The following DDX60L variants were observed in gnomAD, a reference collection of about 807,000 sequenced individuals.
DDX60L encodes the protein DExD/H-box 60 like.
In DDX60L, 191 loss-of-function variants were observed where a neutral mutation model predicts 211.6. That is an observed-to-expected ratio of 0.90 (90% CI 0.80 to 1.02). The LOEUF (loss-of-function observed/expected upper bound fraction) is 1.02, where lower values mean the gene tolerates loss of function less well. Ranked by LOEUF, DDX60L falls within the 50% of genes least tolerant of loss-of-function variation. The probability of loss-of-function intolerance (pLI) is 0.00; values close to 1 mark genes in which losing one functional copy is unlikely to be tolerated. For synonymous variants in DDX60L, 706 were observed against 694.1 expected, an observed-to-expected ratio of 1.02 and a Z score of -0.27; for missense variants, 2,007 against 1,984.1, an observed-to-expected ratio of 1.01 and a Z score of -0.22.
intron 1 of DDX60L, among the ~76,000 whole-genome samples, chr4:168,479,981 CAA>C (rs60737462): frequency 0.025 from 2,545 of 100,828 alleles, 69 homozygotes; most frequent in African/African-American, 0.08. Context: ...GAGACTGACT[CAA>C]AAAAAAAAAA....
At chr4:168,385,513 G>C (rs565542473) in intron 29 of DDX60L, among the ~76,000 whole-genome samples, 22 of 152,150 alleles carry the variant, frequency 1.4e-4, no homozygotes, top group Non-Finnish European at 2.6e-4. Context: ...AGGGGGTCAT[G>C]GGAACCCCAA....
At chr4:168,472,569 C>A in intron 2 of DDX60L, 45 bp from the exon 3 acceptor site, 1 of 1,565,532 alleles carries the variant, frequency 6.4e-7, no homozygotes, top group Non-Finnish European at 8.7e-7. Flanking sequence ...TTTTACACAG[C>A]TATATAATTT....
intron 14 of DDX60L, among the ~76,000 whole-genome samples, chr4:168,425,204 C>T (rs1198051782): frequency 1.3e-5 from 2 of 152,336 alleles, no homozygotes; most frequent in East Asian, 3.9e-4. Context: ...TTATTAATTC[C>T]TATCTCTGTT....
intron 8 of DDX60L, among the ~76,000 whole-genome samples, chr4:168,452,320 C>A (rs763584164): frequency 9.9e-5 from 15 of 152,188 alleles, no homozygotes; most frequent in Non-Finnish European, 1.8e-4. Context: ...TACAAATTAT[C>A]CCTCAAGGCC....
In DDX60L at chr4:168,472,749, T is replaced by C; in HGVS notation, c.-50A>G. ...GTAGAAGAGTAGAGCTGGAATTTAT[T>C]AAATATGGCTGATTTATTTTGACAC... On this transcript the variant is annotated 5_prime_UTR_variant, in exon 2 of 38. Coordinates refer to ENST00000682922, the MANE Select transcript of DDX60L (RefSeq NM_001012967.3). 6.3e-7 allele frequency: 1 copy of C among 1,599,486 alleles called. No homozygotes were observed. The highest frequency in any genetic ancestry group is 1.1e-5 in the South Asian group (1 of 88,582).
chr4:168,479,981 CAAA>C (rs60737462), intron 1 of DDX60L, among the ~76,000 whole-genome samples: 2,301 of 100,716 alleles, frequency 0.023, 19 homozygotes, highest in South Asian at 0.066. Flanking sequence ...GAGACTGACT[CAAA>C]AAAAAAAAAA....
intron 36 of DDX60L, among the ~76,000 whole-genome samples, chr4:168,370,439 G>A (rs1037001743): frequency 6.6e-6 from 1 of 152,148 alleles, no homozygotes; most frequent in Non-Finnish European, 1.5e-5. Flanking sequence ...GAAGAGAAAG[G>A]AGAAGGTGGG....
chr4:168,475,496 T>C (rs1461104341), intron 1 of DDX60L, among the ~76,000 whole-genome samples: 1 of 152,166 alleles, frequency 6.6e-6, no homozygotes, highest in Admixed American at 6.5e-5. Context: ...TTAGACTCAA[T>C]GTATAGATAA....
chr4:168,416,602 C>A, intron 20 of DDX60L, 80 bp downstream of exon 20: 2 of 752,428 alleles, frequency 2.7e-6, no homozygotes, highest in South Asian at 7.7e-5. Context: ...TAGAAAAAAC[C>A]TTAAAGACTT....
chr4:168,430,065 G>C (rs747211267), intron 13 of DDX60L, among the ~76,000 whole-genome samples: 2 of 152,288 alleles, frequency 1.3e-5, no homozygotes, highest in South Asian at 2.1e-4. Context: ...CGGGCCTGGT[G>C]GTGGGTGCTT....
At position 168,379,834 on chromosome 4, in the gene DDX60L, TAAAAG is replaced by T. The variant is rs1560950423; in HGVS notation, c.4117-9_4117-5del. On this transcript the variant is annotated splice_region_variant and splice_polypyrimidine_tract_variant and intron_variant, in intron 30 of 37. Coordinates refer to ENST00000682922, the MANE Select transcript of DDX60L (RefSeq NM_001012967.3). ...AATGCTTTAGCACTGACAACACCTA[TAAAAG>T]AAGAGTACTTTAATTTATCTAGTTT... The T allele has an allele frequency of 6.3e-7, 1 of 1,592,742 alleles. No individual in the cohort carries two copies.
rs1343409170 is a variant in DDX60L at position 168,379,393 on chromosome 4, A to C, written c.4333T>G (p.Phe1445Val). The change falls in exon 32 of 38, where the codon TTC becomes GTC. Residue 1445 changes from phenylalanine (F) to valine (V), a missense_variant. Transcript: ENST00000682922. The stretch of plus-strand genomic sequence containing the variant: ...CAGGCTGGCTTACAGAGATTATGGA[A>C]AAGGCCTCTCTTGAGAAAATTTACA... ...VFVNFLKRGLFHNLCKPAWKG... is the reference protein window; with the variant it reads ...VFVNFLKRGLVHNLCKPAWKG... 2 of 1,597,104 alleles carry C rather than the reference A, an allele frequency of 1.3e-6. No individual in the cohort carries two copies. Among genetic ancestry groups the C allele is most frequent in the Non-Finnish European group, 1.7e-6 (2 of 1,175,066 alleles).
At chr4:168,446,281 T>C (rs1579706094) in intron 9 of DDX60L, among the ~76,000 whole-genome samples, 3 of 152,198 alleles carry the variant, frequency 2.0e-5, no homozygotes, top group East Asian at 3.9e-4. Flanking sequence ...CCATTCACAA[T>C]TGCTTCAAAG....
intron 20 of DDX60L, among the ~76,000 whole-genome samples, 189 bp from the exon 21 acceptor site, chr4:168,415,988 T>C (rs1397036703): frequency 6.6e-6 from 1 of 152,190 alleles, no homozygotes; most frequent in African/African-American, 2.4e-5. Context: ...TGCCTCCCTT[T>C]CTCCATCATA....
chr4:168,421,541 G>A (rs1049731695), intron 17 of DDX60L, among the ~76,000 whole-genome samples: 1 of 152,082 alleles, frequency 6.6e-6, no homozygotes, highest in Admixed American at 6.6e-5. Flanking sequence ...TATAATCCCA[G>A]CTACTCATGA....
intron 4 of DDX60L, 196 bp downstream of exon 4, chr4:168,471,551 A>G (rs12504234): frequency 0.34 from 145,880 of 430,426 alleles, 28,640 homozygotes; most frequent in East Asian, 0.67. Flanking sequence ...GTTGAGGGAA[A>G]AAAATTTAAT....
intron 1 of DDX60L, among the ~76,000 whole-genome samples, chr4:168,476,870 G>A (rs770245591): frequency 1.3e-5 from 2 of 152,134 alleles, no homozygotes; most frequent in Non-Finnish European, 2.9e-5. Context: ...CGAGAAATAG[G>A]TATACCTTCT....
chr4:168,449,791 CAT>C (rs1298632699), intron 8 of DDX60L, among the ~76,000 whole-genome samples: 1 of 127,322 alleles, frequency 7.9e-6, no homozygotes, highest in Non-Finnish European at 1.6e-5. Context: ...ATAAAATAAA[CAT>C]GTGGGTAAAA....
intron 10 of DDX60L, among the ~76,000 whole-genome samples, chr4:168,436,865 G>A (rs4692932): frequency 0.74 from 112,327 of 151,912 alleles, 42,839 homozygotes; most frequent in East Asian, 0.91. Flanking sequence ...GCCATTTTGA[G>A]CTCCTTGTAC....
Sources: gnomAD v4.1 joint callset for allele counts (sites outside exome capture counted in the v4.1 genomes callset) on GRCh38, gnomAD v4.1.1 for gene constraint, MANE v1.5 for transcripts, NCBI Gene and HGNC (gene_info 2026-07-23, HGNC 2026-07-21) for gene names.